The following LRCH1 variants were observed in gnomAD, a reference collection of about 807,000 sequenced individuals.
LRCH1 encodes the protein leucine-rich repeat and calponin homology domain-containing protein 1.
Under a neutral mutation model 94.9 loss-of-function variants are expected in LRCH1, and 23 were observed. That is an observed-to-expected ratio of 0.24 (90% confidence interval 0.17 to 0.34). The LOEUF (loss-of-function observed/expected upper bound fraction) is 0.34. Ranked by LOEUF, LRCH1 falls within the 10% of genes least tolerant of loss-of-function variation. LRCH1 has a pLI of 1.00. For missense variants in LRCH1, 790 were observed against 945.9 expected (o/e 0.84, Z 2.16); for synonymous variants, 364 against 354.9 (o/e 1.03, Z -0.29).
intron 1 of LRCH1, among the ~76,000 whole-genome samples, chr13:46,609,535 AAG>A (rs2050724411): frequency 1.3e-5 from 2 of 152,204 alleles, no homozygotes; most frequent in Admixed American, 1.3e-4. Flanking sequence ...TATTTAAAGG[AAG>A]GTCTCATAGA....
At chr13:46,745,959 C>T (rs924664678), downstream of LRCH1, among the ~76,000 whole-genome samples, 7 of 152,058 alleles carry the variant, frequency 4.6e-5, no homozygotes, top group Non-Finnish European at 8.8e-5. Context: ...GTTGAGGGTT[C>T]GCTGGTCCCA....
At chr13:46,558,279 G>C (rs1453050947) in intron 1 of LRCH1, among the ~76,000 whole-genome samples, 2 of 152,172 alleles carry the variant, frequency 1.3e-5, no homozygotes, top group South Asian at 4.1e-4. Context: ...TGGACATTGT[G>C]TGTAGAATTC....
chr13:46,698,031 T>G (rs1871284215), intron 9 of LRCH1, among the ~76,000 whole-genome samples: 1 of 152,250 alleles, frequency 6.6e-6, no homozygotes, highest in African/African-American at 2.4e-5. Context: ...CCCATGAATT[T>G]TTCTGTCATT....
chr13:46,652,751 T>C (rs2051323548), intron 2 of LRCH1, among the ~76,000 whole-genome samples: 1 of 152,238 alleles, frequency 6.6e-6, no homozygotes. Context: ...ACATTTTCAC[T>C]GCTGGTAGTC....
intron 18 of LRCH1, among the ~76,000 whole-genome samples, chr13:46,731,117 C>T (rs1177228782): frequency 1.6e-5 from 2 of 126,706 alleles, no homozygotes; most frequent in African/African-American, 5.8e-5. Context: ...GTCTTCTTTA[C>T]TATAAGCTTT....
At chr13:46,674,378 C>G (rs966892788) in intron 3 of LRCH1, among the ~76,000 whole-genome samples, 2 of 152,152 alleles carry the variant, frequency 1.3e-5, no homozygotes, top group Non-Finnish European at 2.9e-5. Flanking sequence ...GAGGAAGCCA[C>G]AAAGAGACAC....
chr13:46,650,570 A>T lies in LRCH1; in HGVS notation c.452+225A>T, dbSNP rs838. On this transcript the variant is annotated intron_variant, in intron 2 of 19. Coordinates refer to ENST00000389797, the MANE Select transcript of LRCH1 (RefSeq NM_001164211.2). ...TATGAATAAGACAAGGTTTTTTTTT[A>T]AAAAAATGATTTATATTATATCATT... Among the ~76,000 whole-genome samples, 22 of 9,406 alleles carry T rather than the reference A, an allele frequency of 2.3e-3. No homozygotes were observed. In the South Asian group the frequency reaches 0.049, roughly 21 times the overall value. 6.2% of individuals were successfully genotyped at this position (9,406 alleles called of 152,430 possible).
intron 1 of LRCH1, among the ~76,000 whole-genome samples, chr13:46,560,689 A>G (rs1453374631): frequency 6.6e-6 from 1 of 152,206 alleles, no homozygotes; most frequent in Non-Finnish European, 1.5e-5. Context: ...TTTTTGCATC[A>G]GAATTTTGCC....
intron 10 of LRCH1, among the ~76,000 whole-genome samples, chr13:46,700,502 C>T (rs190656253): frequency 3.8e-4 from 57 of 151,984 alleles, no homozygotes; most frequent in Admixed American, 2.1e-3. Context: ...AACTATATAA[C>T]GGTTTGGAAA....
intron 1 of LRCH1, among the ~76,000 whole-genome samples, chr13:46,629,612 G>A (rs141756962): frequency 6.6e-6 from 1 of 152,328 alleles, no homozygotes; most frequent in Non-Finnish European, 1.5e-5. Flanking sequence ...GGGCTCTGTG[G>A]TTCTGCTGCT....
chr13:46,685,393 T>C (rs1228869275), intron 4 of LRCH1, among the ~76,000 whole-genome samples: 1 of 152,146 alleles, frequency 6.6e-6, no homozygotes, highest in Non-Finnish European at 1.5e-5. Flanking sequence ...TGTCGGAAAA[T>C]TCTGAATTGG....
chr13:46,615,605 C>G (rs2050798527), intron 1 of LRCH1, among the ~76,000 whole-genome samples: 1 of 152,156 alleles, frequency 6.6e-6, no homozygotes, highest in Non-Finnish European at 1.5e-5. Context: ...GAGCTCCCTT[C>G]CATTCCTTCA....
downstream of LRCH1, among the ~76,000 whole-genome samples, chr13:46,749,170 C>T (rs1431186805): frequency 1.3e-5 from 2 of 152,196 alleles, no homozygotes; most frequent in African/African-American, 4.8e-5. Context: ...ATGCAGATCC[C>T]ACTTAAACTC....
chr13:46,699,221 T>C, intron 9 of LRCH1, 115 bp from the exon 10 acceptor site: 1 of 774,098 alleles, frequency 1.3e-6, no homozygotes, highest in Non-Finnish European at 2.2e-6. Flanking sequence ...TTTGGCTTGT[T>C]TCCAGCTTTT....
chr13:46,602,197 G>A (rs778204791), intron 1 of LRCH1, among the ~76,000 whole-genome samples: 1 of 152,198 alleles, frequency 6.6e-6, no homozygotes, highest in Non-Finnish European at 1.5e-5. Flanking sequence ...AGCTGACCCT[G>A]AGGAATTTTT....
chr13:46,608,262 A>T (rs940903858), intron 1 of LRCH1, among the ~76,000 whole-genome samples: 11 of 152,126 alleles, frequency 7.2e-5, no homozygotes, highest in African/African-American at 2.7e-4. Flanking sequence ...CGACCTCCAG[A>T]TGTGGTGTGG....
chr13:46,678,159 CCTTAT>C (rs1304117421), intron 3 of LRCH1, among the ~76,000 whole-genome samples: 1 of 152,090 alleles, frequency 6.6e-6, no homozygotes, highest in Non-Finnish European at 1.5e-5. Context: ...AAAATTCATA[CCTTAT>C]CTTAGGCTGA....
chr13:46,571,446 T>C (rs907584387), intron 1 of LRCH1, among the ~76,000 whole-genome samples: 2 of 152,234 alleles, frequency 1.3e-5, no homozygotes, highest in Admixed American at 6.5e-5. Context: ...CCCATTGCTT[T>C]TTGTGCTCTC....
At chr13:46,749,296 A>G (rs553175319), downstream of LRCH1, among the ~76,000 whole-genome samples, 1 of 152,354 alleles carries the variant, frequency 6.6e-6, no homozygotes, top group South Asian at 2.1e-4. Context: ...CTGACAGACA[A>G]ATACTGCGTG....
Sources: allele counts gnomAD v4.1 joint callset (sites outside exome capture counted in the v4.1 genomes callset), GRCh38; gene constraint gnomAD v4.1.1; transcripts MANE v1.5; gene names NCBI Gene and HGNC (gene_info 2026-07-23, HGNC 2026-07-21).